The following C14orf39 variants were observed in gnomAD, a reference collection of about 807,000 sequenced individuals.
The protein encoded by C14orf39 is chromosome 14 open reading frame 39.
C14orf39 carries 66 observed loss-of-function variants against 85.6 expected under a neutral mutation model. The ratio of observed to expected loss-of-function variants is 0.77; its 90% CI spans 0.63 to 0.95. The LOEUF (loss-of-function observed/expected upper bound fraction) is 0.95, where lower values mean the gene tolerates loss of function less well. Ranked by LOEUF, C14orf39 falls within the 40% of genes least tolerant of loss-of-function variation. The probability of loss-of-function intolerance (pLI) is 0.00; values close to 1 mark genes in which losing one functional copy is unlikely to be tolerated. For missense variants in C14orf39, 735 were observed against 663.9 expected, an observed-to-expected ratio of 1.11 and a Z score of -1.18; for synonymous variants, 242 against 214.0, an observed-to-expected ratio of 1.13 and a Z score of -1.14.
intron 16 of C14orf39, 50 bp downstream of exon 16, chr14:60,454,951 A>C (rs1891198871): frequency 7.2e-7 from 1 of 1,394,898 alleles, no homozygotes; most frequent in African/African-American, 1.5e-5. Context: ...AATTACTCAA[A>C]GTTTCACAGC....
intron 5 of C14orf39, among the ~76,000 whole-genome samples, chr14:60,476,712 T>C (rs372795493): frequency 3.3e-5 from 5 of 152,142 alleles, no homozygotes; most frequent in African/African-American, 1.2e-4. Context: ...ATGACTTACA[T>C]TGACAGATGC....
In C14orf39 at chr14:60,436,755, G is replaced by A; in HGVS notation, c.*90C>T. 4 of 788,592 alleles carry A rather than the reference G, an allele frequency of 5.1e-6. No homozygotes were observed. The South Asian group carries it at 5.4e-5, about 11-fold the overall frequency. 48.8% of individuals were successfully genotyped at this position (788,592 alleles called of 1,614,324 possible). On this transcript the variant is annotated 3_prime_UTR_variant, in exon 18 of 18. Transcript: ENST00000321731. ...AACATTACTGCTTTAATCAATAAAAGAAAGCAGTCTTCATGTTTTAAGCAA... is the reference window on the plus strand; with the variant it reads ...AACATTACTGCTTTAATCAATAAAAAAAAGCAGTCTTCATGTTTTAAGCAA...
At chr14:60,477,798 A>T (rs1005093777) in intron 5 of C14orf39, among the ~76,000 whole-genome samples, 3 of 152,288 alleles carry the variant, frequency 2.0e-5, no homozygotes, top group African/African-American at 7.2e-5. Context: ...CCATATCTAA[A>T]TATATCTAGG....
intron 16 of C14orf39, among the ~76,000 whole-genome samples, chr14:60,451,920 C>A (rs1366183944): frequency 2.6e-5 from 4 of 151,918 alleles, no homozygotes; most frequent in South Asian, 4.2e-4. Flanking sequence ...TGGTGGCTCA[C>A]GCCTGTAATC....
At chr14:60,503,921 T>G (rs138126950) in intron 1 of C14orf39, among the ~76,000 whole-genome samples, 1 of 152,362 alleles carries the variant, frequency 6.6e-6, no homozygotes, top group African/African-American at 2.4e-5. Flanking sequence ...CTGTGCCTTG[T>G]TGATCATTTG....
At chr14:60,461,774 G>A (rs963544696) in intron 11 of C14orf39, among the ~76,000 whole-genome samples, 181 bp from the exon 12 acceptor site, 2 of 151,982 alleles carry the variant, frequency 1.3e-5, no homozygotes, top group Non-Finnish European at 2.9e-5. Context: ...ACATTAAGTT[G>A]AATATTGAGA....
chr14:60,495,135 T>C lies in C14orf39; in HGVS notation c.-9+4161A>G, dbSNP rs182226505. The stretch of plus-strand genomic sequence containing the variant: ...AAAAAGCTTGGCCATAGATCTTACA[T>C]TGGAACAGTCTCTCCCGAGTGTGGG... On this transcript the variant is annotated intron_variant, in intron 2 of 5. Transcript: ENST00000556799. 71 of 224,614 alleles carry C rather than the reference T, an allele frequency of 3.2e-4. 1 individual carries two copies. In the East Asian group the frequency reaches 8.0e-3, roughly 25 times the overall value. 13.9% of individuals were successfully genotyped at this position (224,614 alleles called of 1,614,324 possible). A position where few individuals can be genotyped will look rare whatever the true frequency, so the allele number is the denominator to read the frequency against.
chr14:60,436,253 T>C lies in C14orf39; in HGVS notation c.*592A>G, dbSNP rs903354555. The C allele has an allele frequency of 2.2e-4, 33 of 152,130 alleles. No individual in the cohort carries two copies. Among genetic ancestry groups the C allele is most frequent in the African/African-American group, 6.8e-4 (28 of 41,448 alleles). The allele number at this position is 152,130 out of a possible 1,614,324, so 9.4% of individuals were successfully genotyped here. On this transcript the variant is annotated 3_prime_UTR_variant, in exon 18 of 18. Coordinates refer to ENST00000321731, the MANE Select transcript of C14orf39 (RefSeq NM_174978.3). ...AATTACTCTTGCCCTTTACATTTAATTTTTAGCCATTGAAAGCATTAGCAT... is the reference window on the plus strand; with the variant it reads ...AATTACTCTTGCCCTTTACATTTAACTTTTAGCCATTGAAAGCATTAGCAT...
At chr14:60,447,486 G>A (rs1890826673) in intron 16 of C14orf39, among the ~76,000 whole-genome samples, 1 of 152,040 alleles carries the variant, frequency 6.6e-6, no homozygotes, top group Non-Finnish European at 1.5e-5. Context: ...CAACTTACAA[G>A]GCATGTGAAG....
intron 16 of C14orf39, 60 bp downstream of exon 16, chr14:60,454,941 A>G: frequency 7.5e-7 from 1 of 1,336,330 alleles, no homozygotes; most frequent in Non-Finnish European, 1.0e-6. Context: ...AAAGAACTAA[A>G]ATTACTCAAA....
chr14:60,485,583 G>C (rs535066703), intron 1 of C14orf39, among the ~76,000 whole-genome samples: 2 of 152,210 alleles, frequency 1.3e-5, no homozygotes, highest in Admixed American at 1.3e-4. Flanking sequence ...AAAAAAATTG[G>C]AGGTTTTCAC....
chr14:60,438,103 A>G (rs1890343593), intron 17 of C14orf39, among the ~76,000 whole-genome samples: 1 of 151,970 alleles, frequency 6.6e-6, no homozygotes, highest in Non-Finnish European at 1.5e-5. Flanking sequence ...ATAGCATATT[A>G]AGCAAAATAA....
At chr14:60,453,168 AAT>A (rs1891114564) in intron 16 of C14orf39, among the ~76,000 whole-genome samples, 1 of 152,100 alleles carries the variant, frequency 6.6e-6, no homozygotes, top group Non-Finnish European at 1.5e-5. Flanking sequence ...TAAAACCTCC[AAT>A]ATGTTTGAAT....
intron 1 of C14orf39, among the ~76,000 whole-genome samples, chr14:60,507,730 G>A (rs1283536483): frequency 6.6e-6 from 1 of 152,064 alleles, no homozygotes; most frequent in Non-Finnish European, 1.5e-5. Context: ...TGATTTACCA[G>A]ATCTGTACAA....
intron 11 of C14orf39, among the ~76,000 whole-genome samples, chr14:60,463,664 C>CT (rs1891644003): frequency 2.0e-5 from 3 of 152,110 alleles, no homozygotes; most frequent in Admixed American, 1.3e-4. Context: ...AGATCCCCCT[C>CT]TTTATCTTGC....
chr14:60,446,506 T>C (rs780071630), intron 16 of C14orf39, among the ~76,000 whole-genome samples: 17 of 152,326 alleles, frequency 1.1e-4, no homozygotes, highest in African/African-American at 2.2e-4. Flanking sequence ...CAGGAAGAAG[T>C]TGAATCTCTG....
intron 2 of C14orf39, among the ~76,000 whole-genome samples, chr14:60,493,274 G>C (rs982388412): frequency 1.3e-5 from 2 of 151,984 alleles, no homozygotes; most frequent in African/African-American, 4.8e-5. Context: ...GTATTTTGGA[G>C]TTTTTTTTAA....
At chr14:60,494,649 C>T (rs1020549591) in intron 2 of C14orf39, 5 of 152,136 alleles carry the variant, frequency 3.3e-5, no homozygotes, top group African/African-American at 9.7e-5. Context: ...ATAGCTTCTG[C>T]TTGGTTATTG....
intron 4 of C14orf39, among the ~76,000 whole-genome samples, chr14:60,482,009 G>T (rs912532144): frequency 2.0e-5 from 3 of 152,074 alleles, no homozygotes; most frequent in African/African-American, 7.2e-5. Flanking sequence ...CTCTCTCAAA[G>T]ATTATATAGC....
Sources: gnomAD v4.1 joint callset for allele counts (sites outside exome capture counted in the v4.1 genomes callset) on GRCh38, gnomAD v4.1.1 for gene constraint, MANE v1.5 for transcripts, NCBI Gene and HGNC (gene_info 2026-07-23, HGNC 2026-07-21) for gene names.